DENND5A: variants seen among roughly 807,000 people sequenced by gnomAD.
DENND5A encodes DENN domain-containing protein 5A.
DENND5A carries 64 observed loss-of-function variants against 140.3 expected under a neutral mutation model. That is an observed-to-expected ratio of 0.46 (90% CI 0.37 to 0.56). The LOEUF (loss-of-function observed/expected upper bound fraction) is 0.56. DENND5A is among the 20% of genes least tolerant of loss of function. The pLI is 0.00. For synonymous variants in DENND5A, 605 were observed against 607.7 expected, an observed-to-expected ratio of 1.00 and a Z score of 0.07; for missense variants, 1,292 against 1,593.8, an observed-to-expected ratio of 0.81 and a Z score of 3.22.
rs541900330 is a variant in DENND5A, at chr11:9,197,860, T to C, written c.950-4179A>G. Among the ~76,000 whole-genome samples, 33 of 152,366 alleles carry C rather than the reference T, an allele frequency of 2.2e-4. No homozygotes were observed. In the South Asian group the frequency reaches 2.5e-3, roughly 11 times the overall value. ...GGAAAATATTTGATTCCCTTTGGAA[T>C]TGTTTTAATTATATGCCTTAAGCAA... is the stretch of plus-strand genomic sequence containing the variant. On this transcript the variant is annotated intron_variant, in intron 4 of 22. Transcript: ENST00000328194.
chr11:9,162,898 C>T (rs1438851305), intron 11 of DENND5A, among the ~76,000 whole-genome samples: 1 of 148,088 alleles, frequency 6.8e-6, no homozygotes, highest in African/African-American at 2.5e-5. Context: ...GAAACTGGGT[C>T]TCAGCATGTT....
Position 9,139,706 on chromosome 11 carries a change from G to A in DENND5A, c.3829C>T (p.Leu1277=). ...ATGCCCTTGACAAGGGACGTCTCCA[G>A]CGTGATGTTGAACTCCTGCAATGTC... ...LQTLQEFNIT[L]ETSLVKGIDI is the part of the protein sequence containing the mutation. Residue 1277 remains leucine (L), a synonymous_variant, in exon 23 of 23, where the codon CTG becomes TTG. Coordinates refer to ENST00000328194, the MANE Select transcript of DENND5A (RefSeq NM_015213.4). 2 of 1,614,024 alleles carry A rather than the reference G, an allele frequency of 1.2e-6. No individual in the cohort carries two copies. Among genetic ancestry groups the A allele is most frequent in the Non-Finnish European group, 1.7e-6 (2 of 1,179,986 alleles).
chr11:9,221,788 T>A (rs1850322632), intron 1 of DENND5A, among the ~76,000 whole-genome samples: 1 of 152,142 alleles, frequency 6.6e-6, no homozygotes, highest in African/African-American at 2.4e-5. Flanking sequence ...GATGGAGTCT[T>A]GCTCTGTCAC....
chr11:9,234,666 G>A (rs1356286162), intron 1 of DENND5A, among the ~76,000 whole-genome samples: 1 of 152,174 alleles, frequency 6.6e-6, no homozygotes, highest in African/African-American at 2.4e-5. Context: ...GCCCACCCAG[G>A]GCAGAAAACC....
At chr11:9,245,674 C>T (rs1851441910) in intron 1 of DENND5A, among the ~76,000 whole-genome samples, 2 of 152,094 alleles carry the variant, frequency 1.3e-5, no homozygotes, top group Non-Finnish European at 2.9e-5. Context: ...CACTCTGTCC[C>T]CTAGGCTGGA....
intron 5 of DENND5A, among the ~76,000 whole-genome samples, chr11:9,183,204 T>C (rs1478345830): frequency 6.6e-6 from 1 of 152,204 alleles, no homozygotes; most frequent in Admixed American, 6.5e-5. Flanking sequence ...CAACATTGCC[T>C]TCATTGCAGC....
At chr11:9,215,750 G>A (rs1204761267) in intron 1 of DENND5A, among the ~76,000 whole-genome samples, 4 of 151,872 alleles carry the variant, frequency 2.6e-5, no homozygotes, top group African/African-American at 7.3e-5. Flanking sequence ...GGGTTTCGCC[G>A]TGTTGGCCAG....
chr11:9,166,669 T>TA (rs1329389316), intron 10 of DENND5A, among the ~76,000 whole-genome samples: 3 of 151,616 alleles, frequency 2.0e-5, no homozygotes, highest in Non-Finnish European at 2.9e-5. Context: ...CCATCTTTAC[T>TA]AAAAATATAA....
intron 1 of DENND5A, among the ~76,000 whole-genome samples, chr11:9,250,292 G>A (rs965880219): frequency 1.3e-5 from 2 of 150,578 alleles, no homozygotes; most frequent in Admixed American, 6.6e-5. Context: ...AAGTTTCTTA[G>A]AAGCAAACCC....
At chr11:9,163,924 A>C (rs1446394560) in intron 11 of DENND5A, among the ~76,000 whole-genome samples, 1 of 151,880 alleles carries the variant, frequency 6.6e-6, no homozygotes, top group East Asian at 1.9e-4. Context: ...TGGAAAAAAA[A>C]ATCACAGATA....
At chr11:9,235,346 A>G (rs1850955579) in intron 1 of DENND5A, among the ~76,000 whole-genome samples, 1 of 152,188 alleles carries the variant, frequency 6.6e-6, no homozygotes, top group Non-Finnish European at 1.5e-5. Context: ...CACATGCTAC[A>G]ACATGGATGA....
chr11:9,154,213 A>C (rs1300065586), intron 12 of DENND5A, among the ~76,000 whole-genome samples: 1 of 152,226 alleles, frequency 6.6e-6, no homozygotes, highest in Non-Finnish European at 1.5e-5. Context: ...AATAAGGTAG[A>C]TATCTCTATC....
Position 9,263,308 on chromosome 11 carries a change from C to G in DENND5A, c.109+1653G>C, listed in dbSNP as rs543277433. 2.0e-5 allele frequency among the ~76,000 whole-genome samples: 3 copies of G among 151,586 alleles called. No homozygotes were observed. In the South Asian group the frequency reaches 6.3e-4, roughly 32 times the overall value. On this transcript the variant is annotated intron_variant, in intron 1 of 22. Transcript: ENST00000328194. ...CAATCTCAGCTCACTGCAACCTCCC[C>G]CTCCTGGGTTAAAGCGATCCTCCTA...
intron 1 of DENND5A, among the ~76,000 whole-genome samples, chr11:9,222,281 C>T (rs797000388): frequency 1.5e-5 from 2 of 129,348 alleles, no homozygotes; most frequent in African/African-American, 6.2e-5. Context: ...AATATTTCAG[C>T]ATGTCTCTCT....
chr11:9,228,683 C>T (rs1415293289), intron 1 of DENND5A, among the ~76,000 whole-genome samples: 1 of 151,030 alleles, frequency 6.6e-6, no homozygotes, highest in Non-Finnish European at 1.5e-5. Flanking sequence ...CGCACCACTG[C>T]ACTCCAGCCT....
intron 1 of DENND5A, among the ~76,000 whole-genome samples, chr11:9,241,815 T>C (rs1390336882): frequency 6.6e-6 from 1 of 151,986 alleles, no homozygotes; most frequent in Non-Finnish European, 1.5e-5. Flanking sequence ...GGAAGTTCAA[T>C]ACCAGCCTGA....
chr11:9,188,466 A>G (rs1848997726), intron 5 of DENND5A, among the ~76,000 whole-genome samples: 1 of 152,250 alleles, frequency 6.6e-6, no homozygotes, highest in Admixed American at 6.5e-5. Context: ...ACTGGGTGTC[A>G]GGCAGAGATT....
At chr11:9,215,493 A>G (rs1239854249) in intron 1 of DENND5A, among the ~76,000 whole-genome samples, 2 of 151,992 alleles carry the variant, frequency 1.3e-5, no homozygotes, top group African/African-American at 4.8e-5. Context: ...TGGGTGATGC[A>G]ACCAGCTGTC....
In DENND5A at chr11:9,261,166, T is replaced by C. The variant is rs112875826; in HGVS notation, c.109+3795A>G. Among the ~76,000 whole-genome samples the C allele has an allele frequency of 2.4e-3, 371 of 152,244 alleles. 2 individuals carry two copies. Among genetic ancestry groups the C allele is most frequent in the African/African-American group, 8.4e-3 (349 of 41,542 alleles). On this transcript the variant is annotated intron_variant, in intron 1 of 22. Transcript: ENST00000328194. ...GCGCCCAGCCTCCATGTTTATTTGT[T>C]GCAGACAGAGAGGAATGAATCTTAA...
Sources: gnomAD v4.1 joint callset for allele counts (sites outside exome capture counted in the v4.1 genomes callset) on GRCh38, gnomAD v4.1.1 for gene constraint, MANE v1.5 for transcripts, NCBI Gene and HGNC (gene_info 2026-07-23, HGNC 2026-07-21) for gene names.